Variants in PARD3B observed in about 807,000 individuals in gnomAD.
The protein encoded by PARD3B is partitioning defective 3 homolog B.
PARD3B carries 103 observed loss-of-function variants against 130.2 expected under a neutral mutation model. That is an observed-to-expected ratio of 0.79 (90% CI 0.67 to 0.93). PARD3B has a LOEUF of 0.93. PARD3B is among the 40% of genes least tolerant of loss of function. The probability of loss-of-function intolerance (pLI) is 0.00; values close to 1 mark genes in which losing one functional copy is unlikely to be tolerated. For missense variants in PARD3B, 1,609 were observed against 1,499.2 expected, an observed-to-expected ratio of 1.07 and a Z score of -1.21; for synonymous variants, 583 against 553.2, an observed-to-expected ratio of 1.05 and a Z score of -0.76.
intron 10 of PARD3B, among the ~76,000 whole-genome samples, chr2:205,154,674 A>G (rs577032663): frequency 6.6e-6 from 1 of 152,250 alleles, no homozygotes; most frequent in Non-Finnish European, 1.5e-5. Context: ...AGACTGGATT[A>G]AGAAAACATG....
Position 205,564,835 on chromosome 2 carries a change from C to A in PARD3B, c.3260+11432C>A, listed in dbSNP as rs890296511. Among the ~76,000 whole-genome samples the A allele has an allele frequency of 6.6e-6, 1 of 152,132 alleles. No homozygotes were observed. The highest frequency in any genetic ancestry group is 2.4e-5 in the African/African-American group (1 of 41,408). ...GGTACAAATGTGAGAGGGGTTGGTACAAAAACAGCAGCCTCCAGAACGTGT... is the reference window on the plus strand; with the variant it reads ...GGTACAAATGTGAGAGGGGTTGGTAAAAAAACAGCAGCCTCCAGAACGTGT... On this transcript the variant is annotated intron_variant, in intron 22 of 22. Coordinates refer to ENST00000406610, the MANE Select transcript of PARD3B (RefSeq NM_001302769.2). This position sits in a 1 kb window ranked among gnomAD's most constrained non-coding sequence, Gnocchi z 4.6.
At chr2:204,994,138 C>T (rs1009701740) in intron 3 of PARD3B, among the ~76,000 whole-genome samples, 8 of 143,870 alleles carry the variant, frequency 5.6e-5, no homozygotes, top group African/African-American at 2.1e-4. Context: ...AATGTGTTTG[C>T]TCTTGCTTTT....
chr2:204,785,031 C>A (rs1239917371), intron 2 of PARD3B, among the ~76,000 whole-genome samples: 2 of 152,084 alleles, frequency 1.3e-5, no homozygotes, highest in African/African-American at 4.8e-5. Context: ...AAAAAATTAA[C>A]TACAGTAACC....
chr2:205,154,457 A>G (rs2033978135), intron 10 of PARD3B, among the ~76,000 whole-genome samples: 1 of 152,224 alleles, frequency 6.6e-6, no homozygotes, highest in Non-Finnish European at 1.5e-5. Context: ...GGGACTGTAA[A>G]CTAGTTCAAA....
At chr2:205,395,996 C>A (rs1574911851) in intron 18 of PARD3B, among the ~76,000 whole-genome samples, 1 of 152,158 alleles carries the variant, frequency 6.6e-6, no homozygotes, top group South Asian at 2.1e-4. Context: ...GCTTTTCCAT[C>A]TGCATCCTGG....
chr2:205,324,070 C>T (rs143550697), intron 18 of PARD3B, among the ~76,000 whole-genome samples: 3 of 152,234 alleles, frequency 2.0e-5, no homozygotes, highest in Middle Eastern at 3.4e-3. Context: ...TTTCATACCC[C>T]AAGACTGTAT....
intron 2 of PARD3B, among the ~76,000 whole-genome samples, chr2:204,868,150 A>G (rs2045497265): frequency 6.6e-6 from 1 of 152,204 alleles, no homozygotes; most frequent in Non-Finnish European, 1.5e-5. Flanking sequence ...GTCTCTACAA[A>G]GTAAGTCATG....
In PARD3B at chr2:204,689,181, A is replaced by C. The variant is rs967918933; in HGVS notation, c.222+2899A>C. Among the ~76,000 whole-genome samples, 1 of 152,154 alleles carries C rather than the reference A, an allele frequency of 6.6e-6. No individual in the cohort carries two copies. The highest frequency in any genetic ancestry group is 1.5e-5 in the Non-Finnish European group (1 of 68,014). ...GTTCAGCCAGTGTTCTTAAGAAATG[A>C]CTTTTAAAACTTGTGCCTAAAGTGG... On this transcript the variant is annotated intron_variant, in intron 2 of 22. Transcript: ENST00000406610. The surrounding 1 kb of genome is among the most constrained non-coding windows in gnomAD (Gnocchi z 5.2).
At position 205,122,980 on chromosome 2, in the gene PARD3B, T is replaced by C. The variant is rs985888770; in HGVS notation, c.1165+1031T>C. Among the ~76,000 whole-genome samples the C allele has an allele frequency of 7.9e-5, 12 of 152,138 alleles. No homozygotes were observed. The highest frequency in any genetic ancestry group is 2.1e-4 in the South Asian group (1 of 4,832). On this transcript the variant is annotated intron_variant, in intron 8 of 22. Transcript: ENST00000406610. This position sits in a 1 kb window ranked among gnomAD's most constrained non-coding sequence, Gnocchi z 4.3. ...ATCCAGCTGTGTGTAAGACACAGAT[T>C]TGGGTGTTTTGAATATAGAAAAATG...
chr2:204,693,803 T>C (rs1037523966), intron 2 of PARD3B, among the ~76,000 whole-genome samples: 1 of 151,980 alleles, frequency 6.6e-6, no homozygotes, highest in Non-Finnish European at 1.5e-5. Flanking sequence ...AATGTTCCGG[T>C]TGTCTGCTAT....
chr2:205,049,897 C>T (rs1173801864), intron 4 of PARD3B, among the ~76,000 whole-genome samples: 1 of 152,122 alleles, frequency 6.6e-6, no homozygotes, highest in Non-Finnish European at 1.5e-5. Context: ...TGATGGAGTG[C>T]AGACCACAGA....
chr2:204,711,079 T>A (rs6435249), intron 2 of PARD3B, among the ~76,000 whole-genome samples: 46,156 of 152,090 alleles, frequency 0.3, 9,462 homozygotes, highest in African/African-American at 0.59. Flanking sequence ...ATTACCTTGT[T>A]ATAGCTTAAC....
chr2:205,462,829 C>T (rs546519516), intron 20 of PARD3B, among the ~76,000 whole-genome samples: 1 of 152,262 alleles, frequency 6.6e-6, no homozygotes, highest in South Asian at 2.1e-4. Context: ...AGTCTAGTCC[C>T]AGAAGTTTGG....
At chr2:204,770,690 C>T (rs945508036) in intron 2 of PARD3B, among the ~76,000 whole-genome samples, 6 of 151,972 alleles carry the variant, frequency 3.9e-5, no homozygotes, top group African/African-American at 1.4e-4. Flanking sequence ...TATTTCCCTC[C>T]TCCTTTGTAG....
At chr2:205,545,947 TAGAAATACATACTAATTTA>T (rs1254111640) in intron 21 of PARD3B, among the ~76,000 whole-genome samples, 1 of 152,192 alleles carries the variant, frequency 6.6e-6, no homozygotes, top group Non-Finnish European at 1.5e-5. Flanking sequence ...AATGCCAGGC[TAGAAATACATACTAATTTA>T]AGGAACCATG....
chr2:204,590,441 A>C (rs751240581), intron 1 of PARD3B, among the ~76,000 whole-genome samples: 1 of 152,192 alleles, frequency 6.6e-6, no homozygotes, highest in Non-Finnish European at 1.5e-5. Context: ...GTGCAAATGG[A>C]CCTGTCTTTA....
intron 2 of PARD3B, among the ~76,000 whole-genome samples, chr2:204,706,811 G>A (rs930498406): frequency 6.6e-5 from 10 of 152,102 alleles, no homozygotes; most frequent in Non-Finnish European, 1.5e-4. Flanking sequence ...ATGGTCTTTG[G>A]CAGTACCCTG....
chr2:205,543,887 A>G (rs1305858355), intron 21 of PARD3B, among the ~76,000 whole-genome samples: 1 of 152,238 alleles, frequency 6.6e-6, no homozygotes, highest in Non-Finnish European at 1.5e-5. Flanking sequence ...AAATGGAAGT[A>G]TACCTAAAAT....
chr2:205,557,068 C>G (rs1464300669), intron 22 of PARD3B, among the ~76,000 whole-genome samples: 2 of 152,108 alleles, frequency 1.3e-5, no homozygotes, highest in Admixed American at 1.3e-4. Flanking sequence ...GCAGATGGCT[C>G]TGTGCATCGG....
Sources: allele counts gnomAD v4.1 joint callset (sites outside exome capture counted in the v4.1 genomes callset), GRCh38; gene constraint gnomAD v4.1.1; non-coding constraint Gnocchi (gnomAD v3.1); transcripts MANE v1.5; gene names NCBI Gene and HGNC (gene_info 2026-07-23, HGNC 2026-07-21).